Variants in DCDC1 observed in about 807,000 individuals in gnomAD.
The protein encoded by DCDC1 is doublecortin domain containing 1.
A neutral mutation model predicts 178.3 loss-of-function variants in DCDC1; 200 were observed. The ratio of observed to expected loss-of-function variants is 1.12; its 90% CI spans 1.00 to 1.26. DCDC1 has a LOEUF of 1.26. DCDC1 is among the 50% of genes most tolerant of loss of function. The pLI, the probability that DCDC1 is intolerant of heterozygous loss-of-function variation, is 0.00. For synonymous variants in DCDC1, 690 were observed against 604.8 expected (o/e 1.14, Z -2.07); for missense variants, 1,983 against 1,749.2 (o/e 1.13, Z -2.38).
chr11:31,094,274 C>T, intron 15 of DCDC1, 90 bp from the exon 16 acceptor site: 1 of 698,194 alleles, frequency 1.4e-6, no homozygotes, highest in Non-Finnish European at 2.6e-6. Flanking sequence ...TATCCTAGAA[C>T]ATTATTTATT....
intron 9 of DCDC1, among the ~76,000 whole-genome samples, chr11:31,152,299 G>A (rs1965252677): frequency 6.6e-6 from 1 of 152,200 alleles, no homozygotes; most frequent in Non-Finnish European, 1.5e-5. Context: ...CCATTGGAGA[G>A]AGCTTAGTCA....
rs771524496 is a variant in DCDC1, at chr11:30,905,175, A to T, written c.4105-11T>A. The T allele has an allele frequency of 1.3e-5, 20 of 1,558,430 alleles. No homozygotes were observed. The highest frequency in any genetic ancestry group is 3.9e-5 in the Admixed American group (2 of 51,604). On this transcript the variant is annotated splice_polypyrimidine_tract_variant and intron_variant, in intron 30 of 38. Transcript: ENST00000684477. ...ACACGACAAATCAACCTAATTTTTT[A>T]AAAAATAAATTGTACATTTACTCAA...
At chr11:30,941,492 T>A (rs942380382) in intron 21 of DCDC1, among the ~76,000 whole-genome samples, 4 of 152,162 alleles carry the variant, frequency 2.6e-5, no homozygotes, top group African/African-American at 9.6e-5. Context: ...TTGTTTACAT[T>A]TCCTGGCATG....
At chr11:31,159,038 C>A (rs1966039692) in intron 9 of DCDC1, among the ~76,000 whole-genome samples, 1 of 151,354 alleles carries the variant, frequency 6.6e-6, no homozygotes, top group South Asian at 2.1e-4. Flanking sequence ...CAAAAAATAC[C>A]AATAAAAATA....
intron 17 of DCDC1, among the ~76,000 whole-genome samples, 191 bp from the exon 18 acceptor site, chr11:31,078,116 T>C (rs1184484853): frequency 6.6e-6 from 1 of 152,216 alleles, no homozygotes; most frequent in African/African-American, 2.4e-5. Context: ...CCTGCTACAA[T>C]GCTCTGGTAC....
chr11:30,944,014 A>T (rs1289529843), intron 21 of DCDC1: 1 of 259,234 alleles, frequency 3.9e-6, no homozygotes, highest in Non-Finnish European at 7.7e-6. Flanking sequence ...TTGGAGTCTC[A>T]CTCAGGGTGT....
chr11:31,032,744 T>C (rs967620676), intron 20 of DCDC1, among the ~76,000 whole-genome samples: 1 of 152,200 alleles, frequency 6.6e-6, no homozygotes, highest in Middle Eastern at 3.2e-3. Context: ...GAGAGTTGGT[T>C]TGAAGTTGTG....
rs972611221 is a variant in DCDC1, at chr11:31,068,049, G to T, written c.2299-2896C>A. On this transcript the variant is annotated intron_variant, in intron 18 of 38. Transcript: ENST00000684477. Reference sequence around the variant, plus strand: ...ATTCAAGAAATCTATTTTAATGTAAGAAATTTTTCAATTAAAACAGTATAT... The same window carrying T: ...ATTCAAGAAATCTATTTTAATGTAATAAATTTTTCAATTAAAACAGTATAT... Among the ~76,000 whole-genome samples, 13 of 152,056 alleles carry T rather than the reference G, an allele frequency of 8.5e-5. No individual in the cohort carries two copies. The East Asian group carries it at 1.7e-3, about 20-fold the overall frequency.
At chr11:31,091,757 T>C (rs538131495) in intron 16 of DCDC1, among the ~76,000 whole-genome samples, 17 of 152,146 alleles carry the variant, frequency 1.1e-4, no homozygotes, top group Non-Finnish European at 2.5e-4. Flanking sequence ...ATATCTTCAT[T>C]TGTCTTTTTT....
At chr11:31,307,558 T>A in intron 4 of DCDC1, 81 bp downstream of exon 4, 1 of 1,522,094 alleles carries the variant, frequency 6.6e-7, no homozygotes, top group Non-Finnish European at 8.9e-7. Context: ...TCTGAGATAG[T>A]CAATTGAAAC....
At chr11:30,956,670 C>T (rs1426487889) in intron 20 of DCDC1, among the ~76,000 whole-genome samples, 1 of 151,950 alleles carries the variant, frequency 6.6e-6, no homozygotes, top group Non-Finnish European at 1.5e-5. Context: ...TACTGGTCAA[C>T]CATTTCTTTA....
chr11:31,150,505 TATG>T (rs1156388590), intron 9 of DCDC1, among the ~76,000 whole-genome samples: 1 of 152,214 alleles, frequency 6.6e-6, no homozygotes, highest in Non-Finnish European at 1.5e-5. Flanking sequence ...ATGGTGAGGC[TATG>T]ATAAGTAGTA....
intron 6 of DCDC1, among the ~76,000 whole-genome samples, chr11:31,298,076 CAG>C (rs1947829493): frequency 1.3e-5 from 2 of 152,210 alleles, no homozygotes; most frequent in African/African-American, 4.8e-5. Context: ...AGACCTGTCT[CAG>C]ATATTCCGAG....
chr11:31,308,222 T>G (rs1948575338), intron 3 of DCDC1, among the ~76,000 whole-genome samples: 1 of 152,190 alleles, frequency 6.6e-6, no homozygotes, highest in Non-Finnish European at 1.5e-5. Context: ...TAAGCTTCAT[T>G]GCTTTACTTA....
At chr11:31,078,049 T>C in intron 17 of DCDC1, 124 bp from the exon 18 acceptor site, 1 of 648,520 alleles carries the variant, frequency 1.5e-6, no homozygotes. Context: ...TACCAAAGAT[T>C]CTGCCACCAT....
intron 20 of DCDC1, among the ~76,000 whole-genome samples, chr11:31,029,719 A>G (rs942186997): frequency 1.3e-5 from 2 of 152,150 alleles, no homozygotes; most frequent in African/African-American, 4.8e-5. Flanking sequence ...ACTTCTTTAT[A>G]ACAATAAAAT....
chr11:31,289,429 T>C (rs1947063718), intron 7 of DCDC1, among the ~76,000 whole-genome samples: 1 of 151,948 alleles, frequency 6.6e-6, no homozygotes, highest in South Asian at 2.1e-4. Context: ...AAGAAGGAAA[T>C]AAAACTCAGG....
At chr11:31,273,091 T>C (rs1945697881) in intron 7 of DCDC1, among the ~76,000 whole-genome samples, 1 of 152,156 alleles carries the variant, frequency 6.6e-6, no homozygotes, top group South Asian at 2.1e-4. Context: ...TTTTTCCTCC[T>C]AGGCCTCCAG....
At chr11:31,149,291 G>C (rs1202374682) in intron 9 of DCDC1, among the ~76,000 whole-genome samples, 1 of 152,162 alleles carries the variant, frequency 6.6e-6, no homozygotes, top group African/African-American at 2.4e-5. Context: ...GGTACTTGGA[G>C]AACTTTTCTG....
Sources: gnomAD v4.1 joint callset for allele counts (sites outside exome capture counted in the v4.1 genomes callset) on GRCh38, gnomAD v4.1.1 for gene constraint, MANE v1.5 for transcripts, NCBI Gene and HGNC (gene_info 2026-07-23, HGNC 2026-07-21) for gene names.